Variants in SH3GL2 observed in about 807,000 individuals in gnomAD.
The protein encoded by SH3GL2 is SH3 domain containing GRB2 like 2, endophilin A1.
SH3GL2 carries 24 observed loss-of-function variants against 46.0 expected under a neutral mutation model. The observed-to-expected ratio is 0.52, with a 90% confidence interval of 0.38 to 0.73. The LOEUF (loss-of-function observed/expected upper bound fraction) is 0.73. Among genes scored for constraint, SH3GL2 ranks in the 30% least tolerant of loss-of-function variants. The probability of loss-of-function intolerance (pLI) is 0.00; values close to 1 mark genes in which losing one functional copy is unlikely to be tolerated. For synonymous variants in SH3GL2, 196 were observed against 147.1 expected (o/e 1.33, Z -2.40); for missense variants, 413 against 424.2 (o/e 0.97, Z 0.23).
At chr9:17,650,191 T>C (rs554246254) in intron 1 of SH3GL2, among the ~76,000 whole-genome samples, 1 of 152,344 alleles carries the variant, frequency 6.6e-6, no homozygotes, top group South Asian at 2.1e-4. Context: ...ATGCTGTGTT[T>C]GATAAAAAGT....
At chr9:17,795,003 G>T (rs891801578) in intron 8 of SH3GL2, among the ~76,000 whole-genome samples, 1 of 152,114 alleles carries the variant, frequency 6.6e-6, no homozygotes, top group African/African-American at 2.4e-5. Context: ...ATATTATTCC[G>T]TTTTCACCAC....
intron 1 of SH3GL2, among the ~76,000 whole-genome samples, chr9:17,686,529 G>A (rs1408621842): frequency 6.8e-6 from 1 of 147,584 alleles, no homozygotes; most frequent in East Asian, 2.0e-4. Flanking sequence ...GCAAAGACTT[G>A]GAACCAACCC....
chr9:17,793,295 C>A (rs2131195149), intron 7 of SH3GL2, 72 bp from the exon 8 acceptor site: 1 of 1,380,408 alleles, frequency 7.2e-7, no homozygotes. Flanking sequence ...TTTCCTGAAT[C>A]TTTATATTTG....
chr9:17,785,863 A>T lies in SH3GL2; in HGVS notation c.188-518A>T, dbSNP rs1015007006. Among the ~76,000 whole-genome samples, 6 of 152,292 alleles carry T rather than the reference A, an allele frequency of 3.9e-5. No individual in the cohort carries two copies. In the East Asian group the frequency reaches 5.8e-4, roughly 15 times the overall value. On this transcript the variant is annotated intron_variant, in intron 3 of 8. Transcript: ENST00000380607. ...CCATCAGAATCTTAGTTGAGAAATG[A>T]TTTTGAAAATAGTTCTGTTTCATAC...
chr9:17,698,856 TA>T (rs1459349741), intron 1 of SH3GL2, among the ~76,000 whole-genome samples: 5 of 152,120 alleles, frequency 3.3e-5, no homozygotes, highest in Non-Finnish European at 4.4e-5. Flanking sequence ...ATATGCAAAT[TA>T]TTAAAAAATC....
chr9:17,742,667 G>A (rs997736153), intron 1 of SH3GL2, among the ~76,000 whole-genome samples: 1 of 152,146 alleles, frequency 6.6e-6, no homozygotes, highest in Admixed American at 6.5e-5. Context: ...TTATGAGGAA[G>A]ACGATAAAGA....
chr9:17,733,664 T>C (rs910049680), intron 1 of SH3GL2, among the ~76,000 whole-genome samples: 7 of 151,906 alleles, frequency 4.6e-5, no homozygotes, highest in African/African-American at 1.4e-4. Flanking sequence ...TAAAGACACA[T>C]GCACACATGT....
chr9:17,713,366 A>T (rs1303240484), intron 1 of SH3GL2, among the ~76,000 whole-genome samples: 1 of 151,082 alleles, frequency 6.6e-6, no homozygotes, highest in African/African-American at 2.4e-5. Flanking sequence ...GGCATCATTG[A>T]CTTTTCTGTA....
At chr9:17,588,801 C>T (rs1043592851) in intron 1 of SH3GL2, among the ~76,000 whole-genome samples, 3 of 152,202 alleles carry the variant, frequency 2.0e-5, no homozygotes, top group Non-Finnish European at 2.9e-5. Flanking sequence ...TTGTTTTAAG[C>T]TGCTAAATTT....
chr9:17,720,454 A>T (rs551011800), intron 1 of SH3GL2, among the ~76,000 whole-genome samples: 3 of 152,112 alleles, frequency 2.0e-5, no homozygotes, highest in Non-Finnish European at 4.4e-5. Context: ...AAAGTGAAGT[A>T]CAGAAAACAG....
intron 2 of SH3GL2, among the ~76,000 whole-genome samples, chr9:17,757,498 T>A (rs561643047): frequency 6.6e-6 from 1 of 152,194 alleles, no homozygotes; most frequent in Non-Finnish European, 1.5e-5. Context: ...GGGCGAAGGA[T>A]ATGAACAGTT....
chr9:17,738,573 TATAGAGAGAGAG>T (rs1822418969), intron 1 of SH3GL2, among the ~76,000 whole-genome samples: 1 of 47,390 alleles, frequency 2.1e-5, no homozygotes, highest in African/African-American at 5.5e-5. Context: ...TACATATATA[TATAGAGAGAGAG>T]AGAGAGAGAA....
At chr9:17,772,213 T>C (rs906754617) in intron 3 of SH3GL2, among the ~76,000 whole-genome samples, 1 of 152,198 alleles carries the variant, frequency 6.6e-6, no homozygotes, top group Non-Finnish European at 1.5e-5. Flanking sequence ...GTTGGAAGTA[T>C]TAAGCCCCAA....
chr9:17,645,741 G>A (rs1031784636), intron 1 of SH3GL2, among the ~76,000 whole-genome samples: 6 of 152,140 alleles, frequency 3.9e-5, no homozygotes, highest in African/African-American at 1.4e-4. Context: ...TGAGAGATCC[G>A]CTGTTAGTCT....
At chr9:17,744,315 A>G (rs755014676) in intron 1 of SH3GL2, among the ~76,000 whole-genome samples, 6 of 152,114 alleles carry the variant, frequency 3.9e-5, no homozygotes, top group Non-Finnish European at 7.3e-5. Context: ...CCCTCTATTC[A>G]TGAGTTTCTG....
chr9:17,682,799 A>T (rs1235656890), intron 1 of SH3GL2, among the ~76,000 whole-genome samples: 1 of 152,130 alleles, frequency 6.6e-6, no homozygotes, highest in Non-Finnish European at 1.5e-5. Flanking sequence ...TAGCATCCTA[A>T]GCACTTCCTC....
intron 1 of SH3GL2, among the ~76,000 whole-genome samples, chr9:17,586,288 G>A (rs112808269): frequency 2.7e-4 from 41 of 152,136 alleles, no homozygotes; most frequent in African/African-American, 8.4e-4. Context: ...TGTAATACTC[G>A]TGAAGAACCC....
chr9:17,673,361 C>T (rs952192854), intron 1 of SH3GL2, among the ~76,000 whole-genome samples: 7 of 150,264 alleles, frequency 4.7e-5, no homozygotes, highest in Admixed American at 1.3e-4. Context: ...ATCATGTTGC[C>T]GAGGCTGGTC....
intron 3 of SH3GL2, among the ~76,000 whole-genome samples, chr9:17,785,709 A>G (rs1344192943): frequency 6.6e-6 from 1 of 152,042 alleles, no homozygotes; most frequent in Non-Finnish European, 1.5e-5. Context: ...TTATAAAAAC[A>G]AAAACAAAGA....
Sources: allele counts gnomAD v4.1 joint callset (sites outside exome capture counted in the v4.1 genomes callset), GRCh38; gene constraint gnomAD v4.1.1; transcripts MANE v1.5; gene names NCBI Gene and HGNC (gene_info 2026-07-23, HGNC 2026-07-21).